TMEM181: variants seen among roughly 807,000 people sequenced by gnomAD.
TMEM181 encodes transmembrane protein 181, also known as G protein-coupled receptor 178.
Under a neutral mutation model 71.9 loss-of-function variants are expected in TMEM181, and 39 were observed. The observed-to-expected ratio is 0.54, with a 90% CI of 0.42 to 0.71. TMEM181 has a LOEUF of 0.71. Among genes scored for constraint, TMEM181 ranks in the 30% least tolerant of loss-of-function variants. The pLI is 0.00. For synonymous variants in TMEM181, 245 were observed against 228.8 expected (o/e 1.07, Z -0.64); for missense variants, 595 against 583.0 (o/e 1.02, Z -0.21).
At chr6:158,577,220 T>C (rs190772982) in intron 2 of TMEM181, among the ~76,000 whole-genome samples, 34 of 152,132 alleles carry the variant, frequency 2.2e-4, no homozygotes, top group Admixed American at 2.0e-3. Context: ...CTGAGGCAAC[T>C]AAAGGAAGAG....
At chr6:158,564,907 A>G (rs1306244179) in intron 1 of TMEM181, among the ~76,000 whole-genome samples, 1 of 152,190 alleles carries the variant, frequency 6.6e-6, no homozygotes, top group African/African-American at 2.4e-5. Flanking sequence ...TCAGATCCTA[A>G]TTTGTCAATT....
chr6:158,604,335 C>CGTGTGT (rs35523450), intron 6 of TMEM181, among the ~76,000 whole-genome samples: 2 of 151,168 alleles, frequency 1.3e-5, no homozygotes, highest in African/African-American at 2.4e-5. Flanking sequence ...TGCGTGCATG[C>CGTGTGT]GTGTGTGTGT....
In TMEM181 at chr6:158,628,344, C is replaced by T. The variant is rs114869031; in HGVS notation, c.1110-64C>T. 8.4e-4 allele frequency: 1,251 copies of T among 1,496,124 alleles called. 8 individuals are homozygous for T. The African/African-American group carries it at 0.015, about 18-fold the overall frequency. The allele number at this position is 1,496,124 out of a possible 1,614,324, so 92.7% of individuals were successfully genotyped here. On this transcript the variant is annotated intron_variant, in intron 13 of 16. Transcript: ENST00000684151. ...GCTTGAATGGGGTGAATAGAGAATT[C>T]TCTGAAGCTAGTGCCGTTTTCGTGC...
At chr6:158,583,905 T>G in intron 3 of TMEM181, 49 bp from the exon 4 acceptor site, 11 of 1,411,646 alleles carry the variant, frequency 7.8e-6, no homozygotes, top group Non-Finnish European at 1.1e-5. Flanking sequence ...AGGTATTTGG[T>G]AGACTCAATG....
chr6:158,537,272 C>A (rs548001095), intron 1 of TMEM181, among the ~76,000 whole-genome samples: 359 of 152,194 alleles, frequency 2.4e-3, no homozygotes, highest in Non-Finnish European at 4.1e-3. Flanking sequence ...TCTGGGGAGG[C>A]GACCGCGCGC....
At chr6:158,613,119 C>A (rs1477777864) in intron 10 of TMEM181, among the ~76,000 whole-genome samples, 1 of 152,144 alleles carries the variant, frequency 6.6e-6, no homozygotes. Flanking sequence ...GCTTTTCAGG[C>A]TTTGACTTGA....
intron 1 of TMEM181, among the ~76,000 whole-genome samples, chr6:158,568,834 C>T (rs2128290596): frequency 6.6e-6 from 1 of 152,298 alleles, no homozygotes; most frequent in South Asian, 2.1e-4. Context: ...CTGGCAAAGA[C>T]ACCTCCCCTC....
chr6:158,550,038 C>T (rs1372606352), intron 1 of TMEM181, among the ~76,000 whole-genome samples: 2 of 147,716 alleles, frequency 1.4e-5, no homozygotes, highest in Non-Finnish European at 3.0e-5. Flanking sequence ...AGATCTTTCT[C>T]CAAAAGCATC....
At chr6:158,570,673 C>T (rs141115876) in intron 1 of TMEM181, among the ~76,000 whole-genome samples, 1 of 152,250 alleles carries the variant, frequency 6.6e-6, no homozygotes, top group East Asian at 1.9e-4. Flanking sequence ...CAGGCTCCAA[C>T]CTACACCAAC....
intron 10 of TMEM181, among the ~76,000 whole-genome samples, chr6:158,614,840 G>GTATT (rs1194956532): frequency 1.3e-5 from 2 of 152,166 alleles, no homozygotes. Context: ...TGGCTGCATA[G>GTATT]TATTCCATGG....
In TMEM181 at chr6:158,634,739, G is replaced by C. The variant is rs1216423898; in HGVS notation, c.*2851G>C. On this transcript the variant is annotated 3_prime_UTR_variant, in exon 17 of 17. Coordinates refer to ENST00000684151, the MANE Select transcript of TMEM181 (RefSeq NM_001376852.1). ...AATTGCAGATTGCAATAAAAGCTTA[G>C]ATACATTTTGTAAACCCAACCCACT... The C allele has an allele frequency of 6.6e-6, 1 of 152,108 alleles. No individual in the cohort carries two copies. The highest frequency in any genetic ancestry group is 1.5e-5 in the Non-Finnish European group (1 of 68,012). 9.4% of individuals were successfully genotyped at this position (152,108 alleles called of 1,614,324 possible).
At chr6:158,537,098 C>T (rs1781144480) in intron 1 of TMEM181, among the ~76,000 whole-genome samples, 1 of 151,914 alleles carries the variant, frequency 6.6e-6, no homozygotes. Flanking sequence ...TTCAGGGCAG[C>T]CCGGCGCCCC....
intron 1 of TMEM181, 40 bp from the exon 2 acceptor site, chr6:158,573,380 C>T (rs1421741182): frequency 2.0e-6 from 3 of 1,520,762 alleles, no homozygotes; most frequent in Non-Finnish European, 2.7e-6. Flanking sequence ...ACCTCCGGGC[C>T]TTCCCCTGAC....
intron 6 of TMEM181, among the ~76,000 whole-genome samples, chr6:158,591,023 G>A (rs898013305): frequency 1.3e-5 from 2 of 152,148 alleles, no homozygotes; most frequent in Non-Finnish European, 2.9e-5. Context: ...GGTTGTCGCG[G>A]GATCAGTACT....
intron 6 of TMEM181, among the ~76,000 whole-genome samples, chr6:158,600,275 T>C (rs1784597083): frequency 6.6e-6 from 1 of 151,160 alleles, no homozygotes; most frequent in Admixed American, 6.6e-5. Flanking sequence ...AGGTGATTTC[T>C]CCTGCCTCAG....
At chr6:158,536,968 C>A in intron 1 of TMEM181, 1 of 869,920 alleles carries the variant, frequency 1.1e-6, no homozygotes, top group Non-Finnish European at 1.4e-6. Flanking sequence ...CCGCCGACGG[C>A]CGCCTCCGCC....
intron 1 of TMEM181, among the ~76,000 whole-genome samples, chr6:158,571,445 A>C (rs12529146): frequency 0.083 from 11,055 of 133,132 alleles, 1,377 homozygotes; most frequent in Middle Eastern, 0.14. Flanking sequence ...TACAGGCCTG[A>C]GCCACCACGC....
rs558829369 is a variant in TMEM181, at chr6:158,615,998, T to C, written c.896+7248T>C. Among the ~76,000 whole-genome samples, 8 of 152,348 alleles carry C rather than the reference T, an allele frequency of 5.3e-5. No individual in the cohort carries two copies. In the South Asian group the frequency reaches 1.7e-3, roughly 32 times the overall value. ...TTTTGGCTCCATATAAACTTTAAAG[T>C]AGTTTTTTCCAATTCTGTGAAGAAA... On this transcript the variant is annotated intron_variant, in intron 10 of 16. Coordinates refer to ENST00000684151, the MANE Select transcript of TMEM181 (RefSeq NM_001376852.1).
rs200013277 is a variant in TMEM181 at position 158,631,376 on chromosome 6, G to A, written c.1336G>A (p.Asp446Asn). 6.2e-7 allele frequency: 1 copy of A among 1,614,212 alleles called. No individual in the cohort carries two copies. Among genetic ancestry groups the A allele is most frequent in the Non-Finnish European group, 8.5e-7 (1 of 1,180,046 alleles). Residue 446 changes from aspartate (D) to asparagine (N), a missense_variant, in exon 16 of 17, where the codon GAT (aspartate) becomes AAT (asparagine). By Grantham distance (23) the Asp-to-Asn change is conservative. Transcript: ENST00000684151. ...AFSMLNDSDDDVIYGSDYEEM... is the reference protein window; with the variant it reads ...AFSMLNDSDDNVIYGSDYEEM... ...CTCCATGCTGAATGACTCGGATGATGATGTGATTTATGGGTAAGTCCCTGT... is the reference window on the plus strand; with the variant it reads ...CTCCATGCTGAATGACTCGGATGATAATGTGATTTATGGGTAAGTCCCTGT...
Sources: allele counts gnomAD v4.1 joint callset (sites outside exome capture counted in the v4.1 genomes callset), GRCh38; gene constraint gnomAD v4.1.1; transcripts MANE v1.5; gene names NCBI Gene and HGNC (gene_info 2026-07-23, HGNC 2026-07-21).